PRKG1: variants seen among roughly 807,000 people sequenced by gnomAD.
PRKG1 encodes the protein cGMP-dependent protein kinase 1.
PRKG1 carries 35 observed loss-of-function variants against 88.1 expected under a neutral mutation model. The observed-to-expected ratio is 0.40, with a 90% CI of 0.30 to 0.53. PRKG1 has a LOEUF of 0.53. Ranked by LOEUF, PRKG1 falls within the 20% of genes least tolerant of loss-of-function variation. PRKG1 has a pLI of 0.59. For missense variants in PRKG1, 540 were observed against 839.8 expected (o/e 0.64, Z 4.41); for synonymous variants, 303 against 292.5 (o/e 1.04, Z -0.37).
chr10:51,619,785 C>T (rs1839160150), intron 3 of PRKG1, among the ~76,000 whole-genome samples: 1 of 152,100 alleles, frequency 6.6e-6, no homozygotes, highest in South Asian at 2.1e-4. Context: ...AAAGCACATT[C>T]ATAGGTAAAT....
At chr10:51,507,340 A>G (rs1288671034) in intron 3 of PRKG1, among the ~76,000 whole-genome samples, 1 of 152,080 alleles carries the variant, frequency 6.6e-6, no homozygotes, top group African/African-American at 2.4e-5. Flanking sequence ...AGAATTCAGA[A>G]TTGGGTGAAA....
chr10:51,330,132 TATTTA>T (rs1403038039), intron 2 of PRKG1, among the ~76,000 whole-genome samples: 3 of 143,622 alleles, frequency 2.1e-5, no homozygotes, highest in African/African-American at 5.0e-5. Context: ...TTTATTTATT[TATTTA>T]TTTATTTATT....
intron 2 of PRKG1, among the ~76,000 whole-genome samples, chr10:51,316,209 A>G (rs1841312983): frequency 1.3e-5 from 2 of 152,346 alleles, no homozygotes; most frequent in South Asian, 4.1e-4. Flanking sequence ...TAAAGTTTGT[A>G]TGGAGACTCT....
chr10:52,042,243 A>G (rs1845769890), intron 5 of PRKG1, among the ~76,000 whole-genome samples: 1 of 152,198 alleles, frequency 6.6e-6, no homozygotes, highest in South Asian at 2.1e-4. Context: ...TTGATATGGA[A>G]CCATGGAAGA....
intron 2 of PRKG1, among the ~76,000 whole-genome samples, chr10:51,212,705 C>T (rs1838256266): frequency 6.6e-6 from 1 of 152,172 alleles, no homozygotes; most frequent in African/African-American, 2.4e-5. Flanking sequence ...AGCCAAAAAA[C>T]ACATGAAAAA....
At chr10:52,240,359 C>T (rs1425031214) in intron 9 of PRKG1, among the ~76,000 whole-genome samples, 3 of 152,066 alleles carry the variant, frequency 2.0e-5, no homozygotes, top group African/African-American at 7.2e-5. Flanking sequence ...AAACACTTGT[C>T]AAGTATTTCT....
intron 2 of PRKG1, among the ~76,000 whole-genome samples, chr10:51,324,740 C>CA (rs1027885454): frequency 1.1e-4 from 17 of 150,948 alleles, no homozygotes; most frequent in South Asian, 4.2e-4. Context: ...GACTCCGTCT[C>CA]AAAAAAAAAG....
intron 2 of PRKG1, among the ~76,000 whole-genome samples, chr10:51,170,451 C>T (rs1846673980): frequency 6.6e-6 from 1 of 151,328 alleles, no homozygotes; most frequent in Admixed American, 6.6e-5. Flanking sequence ...CACACACACA[C>T]ACACACACAC....
intron 17 of PRKG1, among the ~76,000 whole-genome samples, chr10:52,293,382 G>T (rs894716926): frequency 1.3e-5 from 2 of 151,422 alleles, no homozygotes; most frequent in Non-Finnish European, 2.9e-5. Context: ...AGCTACCAAT[G>T]ACTTTCTTCA....
chr10:52,286,259 A>C (rs1442264916), intron 14 of PRKG1, among the ~76,000 whole-genome samples: 1 of 152,094 alleles, frequency 6.6e-6, no homozygotes. Flanking sequence ...TCTCTACAGC[A>C]TCTTTAATGC....
At chr10:51,097,259 G>A (rs897789817) in intron 1 of PRKG1, among the ~76,000 whole-genome samples, 1 of 152,150 alleles carries the variant, frequency 6.6e-6, no homozygotes, top group Non-Finnish European at 1.5e-5. Flanking sequence ...ACTGTTGTCA[G>A]CTGGGGCTGG....
intron 9 of PRKG1, among the ~76,000 whole-genome samples, chr10:52,211,478 C>T (rs1839969739): frequency 1.3e-5 from 2 of 152,058 alleles, no homozygotes; most frequent in African/African-American, 4.8e-5. Context: ...TCAACCGTCA[C>T]TTGGTTATTT....
chr10:51,778,598 A>G lies in PRKG1; in HGVS notation c.593-25987A>G, dbSNP rs186174543. On this transcript the variant is annotated intron_variant, in intron 3 of 17. Transcript: ENST00000373980. ...AAAGAGTGAATTATTCTTAGTTTTA[A>G]ATTCCACAAAAAATGTGTGGTGAGT... 1.5e-3 allele frequency among the ~76,000 whole-genome samples: 223 copies of G among 152,320 alleles called. 1 individual carries two copies. Among genetic ancestry groups the G allele is most frequent in the African/African-American group, 5.1e-3 (214 of 41,584 alleles).
intron 9 of PRKG1, among the ~76,000 whole-genome samples, chr10:52,248,195 T>G (rs1046937197): frequency 1.3e-5 from 2 of 152,188 alleles, no homozygotes; most frequent in Non-Finnish European, 2.9e-5. Context: ...AACCTTCCAG[T>G]GCGGGCATTA....
chr10:51,458,856 C>T (rs1839663776), intron 2 of PRKG1, among the ~76,000 whole-genome samples: 1 of 152,074 alleles, frequency 6.6e-6, no homozygotes, highest in Admixed American at 6.6e-5. Flanking sequence ...ATCGAAACTA[C>T]AGAAACCCAC....
chr10:51,421,107 T>A (rs1348064373), intron 2 of PRKG1, among the ~76,000 whole-genome samples: 1 of 152,152 alleles, frequency 6.6e-6, no homozygotes, highest in Non-Finnish European at 1.5e-5. Context: ...GAAGAAACAG[T>A]ATTTCCACCT....
intron 2 of PRKG1, among the ~76,000 whole-genome samples, chr10:51,395,177 AG>A (rs1337904120): frequency 6.6e-6 from 1 of 152,200 alleles, no homozygotes; most frequent in Non-Finnish European, 1.5e-5. Flanking sequence ...GGTTTCTCAC[AG>A]GCTACATGGC....
intron 7 of PRKG1, among the ~76,000 whole-genome samples, chr10:52,087,329 G>A (rs78937548): frequency 1.6e-3 from 249 of 151,926 alleles, no homozygotes; most frequent in Admixed American, 3.1e-3. Flanking sequence ...TTAATTCCTT[G>A]GTCATGATTT....
intron 7 of PRKG1, among the ~76,000 whole-genome samples, chr10:52,089,147 A>G (rs945402390): frequency 4.6e-5 from 7 of 152,182 alleles, no homozygotes; most frequent in African/African-American, 1.7e-4. Context: ...TAGGATCGGA[A>G]CCAGGTGGTA....
Sources: allele counts gnomAD v4.1 joint callset (sites outside exome capture counted in the v4.1 genomes callset), GRCh38; gene constraint gnomAD v4.1.1; transcripts MANE v1.5; gene names NCBI Gene and HGNC (gene_info 2026-07-23, HGNC 2026-07-21).